Variants in VMP1 observed in about 807,000 individuals in gnomAD.
The protein encoded by VMP1 is vacuole membrane protein 1.
A neutral mutation model predicts 56.0 loss-of-function variants in VMP1; 11 were observed. The ratio of observed to expected loss-of-function variants is 0.20; its 90% CI spans 0.12 to 0.32. The LOEUF (loss-of-function observed/expected upper bound fraction) is 0.32. Ranked by LOEUF, VMP1 falls within the 10% of genes least tolerant of loss-of-function variation. The pLI, the probability that VMP1 is intolerant of heterozygous loss-of-function variation, is 1.00. For missense variants in VMP1, 296 were observed against 490.3 expected, an observed-to-expected ratio of 0.60 and a Z score of 3.74; for synonymous variants, 149 against 165.0, an observed-to-expected ratio of 0.90 and a Z score of 0.74.
chr17:59,834,228 A>G (rs1375670635), intron 10 of VMP1, among the ~76,000 whole-genome samples: 1 of 152,040 alleles, frequency 6.6e-6, no homozygotes, highest in East Asian at 1.9e-4. Context: ...AAATGCTGGG[A>G]TTACAGGCAT....
intron 1 of VMP1, among the ~76,000 whole-genome samples, chr17:59,714,943 A>G (rs142887123): frequency 1.3e-5 from 2 of 152,198 alleles, no homozygotes; most frequent in East Asian, 1.9e-4. Flanking sequence ...TGGCATCCCA[A>G]TGTGCTGGGA....
Position 59,838,377 on chromosome 17 carries a change from A to G in VMP1, c.1057A>G (p.Ser353Gly). 6.2e-7 allele frequency: 1 copy of G among 1,614,108 alleles called. No homozygotes were observed. Among genetic ancestry groups the G allele is most frequent in the Non-Finnish European group, 8.5e-7 (1 of 1,180,010 alleles). ...EAQRQKLHHK[S>G]EMGTPQGENW... ...TCAACGGCAGAAGCTTCACCACAAA[A>G]GCGAAATGGGCACACCACAGGTAAG... is the stretch of plus-strand genomic sequence containing the variant. The change falls in exon 11 of 12, where the codon AGC (serine) becomes GGC (glycine). Residue 353 changes from serine to glycine, a missense_variant. By Grantham distance (56) the Ser-to-Gly change is moderately conservative (BLOSUM62 0). Transcript: ENST00000262291.
At chr17:59,818,296 G>A (rs2038317630) in intron 10 of VMP1, among the ~76,000 whole-genome samples, 1 of 152,116 alleles carries the variant, frequency 6.6e-6, no homozygotes, top group African/African-American at 2.4e-5. Context: ...GAACCTGGGA[G>A]GCAGAGGTTG....
chr17:59,776,203 C>T (rs1247444488), intron 7 of VMP1, among the ~76,000 whole-genome samples: 1 of 147,392 alleles, frequency 6.8e-6, no homozygotes, highest in African/African-American at 2.6e-5. Flanking sequence ...CAGAGCAAGA[C>T]CCCACCTAAA....
At chr17:59,730,926 A>G (rs892200875) in intron 1 of VMP1, among the ~76,000 whole-genome samples, 1 of 152,146 alleles carries the variant, frequency 6.6e-6, no homozygotes, top group Non-Finnish European at 1.5e-5. Flanking sequence ...TTATGTATCA[A>G]CAGTTGCAGC....
intron 7 of VMP1, among the ~76,000 whole-genome samples, chr17:59,804,328 T>C (rs558967092): frequency 6.6e-6 from 1 of 152,086 alleles, no homozygotes; most frequent in African/African-American, 2.4e-5. Context: ...GTAAAATAAA[T>C]TTGGGCCTGG....
intron 3 of VMP1, chr17:59,735,814 C>G (rs749636646): frequency 1.6e-4 from 30 of 189,766 alleles, no homozygotes; most frequent in Non-Finnish European, 2.7e-4. Flanking sequence ...TACACTGATT[C>G]TTTAGCAGGG....
At chr17:59,768,718 C>T (rs571955914) in intron 6 of VMP1, among the ~76,000 whole-genome samples, 6 of 152,090 alleles carry the variant, frequency 3.9e-5, no homozygotes, top group Non-Finnish European at 8.8e-5. Flanking sequence ...CGCGGTGGCT[C>T]ACGCCTGTAA....
intron 7 of VMP1, among the ~76,000 whole-genome samples, chr17:59,780,245 A>G (rs957413712): frequency 6.6e-6 from 1 of 152,238 alleles, no homozygotes; most frequent in African/African-American, 2.4e-5. Flanking sequence ...TTATATTGAA[A>G]AATCAAGTGA....
At chr17:59,791,536 A>G (rs899783191) in intron 7 of VMP1, among the ~76,000 whole-genome samples, 2 of 139,270 alleles carry the variant, frequency 1.4e-5, no homozygotes, top group African/African-American at 2.8e-5. Flanking sequence ...CTGTCACCCA[A>G]GCTGGAGTGC....
intron 10 of VMP1, among the ~76,000 whole-genome samples, chr17:59,821,697 C>T (rs1316489978): frequency 6.6e-6 from 1 of 151,868 alleles, no homozygotes; most frequent in African/African-American, 2.4e-5. Flanking sequence ...GGATTATAGG[C>T]ATGTGCCATC....
chr17:59,751,610 G>A (rs930711060), intron 5 of VMP1, among the ~76,000 whole-genome samples: 1 of 148,834 alleles, frequency 6.7e-6, no homozygotes, highest in Admixed American at 6.7e-5. Context: ...GGCGTGGTGG[G>A]GGGGGCGCCT....
chr17:59,762,939 A>G (rs2036109725), intron 5 of VMP1, among the ~76,000 whole-genome samples: 1 of 152,162 alleles, frequency 6.6e-6, no homozygotes, highest in African/African-American at 2.4e-5. Context: ...TATCTATCCC[A>G]GAAATCTCAT....
intron 10 of VMP1, among the ~76,000 whole-genome samples, chr17:59,829,089 G>A (rs988183205): frequency 6.6e-6 from 1 of 152,138 alleles, no homozygotes; most frequent in Admixed American, 6.5e-5. Flanking sequence ...GCACTCCATC[G>A]TGGGTGATAG....
intron 1 of VMP1, among the ~76,000 whole-genome samples, chr17:59,718,184 CTTTTTTTTTTT>C (rs971095445): frequency 1.4e-3 from 112 of 79,280 alleles, no homozygotes; most frequent in African/African-American, 4.3e-3. Context: ...TCCCTCCCTC[CTTTTTTTTTTT>C]TTTTTTTTTT....
In VMP1 at chr17:59,792,855, A is replaced by ACCTTGTTAGTCAGGCTGGTCTC. The variant is rs1568157658; in HGVS notation, c.715-15941_715-15940insCCTTGTTAGTCAGGCTGGTCTC. On this transcript the variant is annotated intron_variant, in intron 7 of 11. Transcript: ENST00000262291. ...CATGAGCAAAAACGCCATCTCAAAA[A>ACCTTGTTAGTCAGGCTGGTCTC]ATAATAATAATAATAATAATAATTA... Among the ~76,000 whole-genome samples, 14 of 54,514 alleles carry ACCTTGTTAGTCAGGCTGGTCTC rather than the reference A, an allele frequency of 2.6e-4. 1 individual carries two copies. The highest frequency in any genetic ancestry group is 4.0e-4 in the East Asian group (1 of 2,492). 35.8% of individuals were successfully genotyped at this position (54,514 alleles called of 152,430 possible).
At chr17:59,731,956 T>G (rs2034841344) in intron 2 of VMP1, among the ~76,000 whole-genome samples, 1 of 152,158 alleles carries the variant, frequency 6.6e-6, no homozygotes. Context: ...TTAACCAAAT[T>G]GGAATTTGTG....
At chr17:59,767,312 T>C (rs1487445804) in intron 6 of VMP1, among the ~76,000 whole-genome samples, 1 of 152,190 alleles carries the variant, frequency 6.6e-6, no homozygotes, top group Non-Finnish European at 1.5e-5. Flanking sequence ...AATTGTGTTC[T>C]GCTTTAAAAG....
chr17:59,827,583 A>G lies in VMP1; in HGVS notation c.974+9810A>G, dbSNP rs527829893. ...CTCGGCCTCCCAAAGTGCTGGGATT[A>G]CAGGCATGAGCCGCTGTGCTGGCCT... On this transcript the variant is annotated intron_variant, in intron 10 of 11. Transcript: ENST00000262291. 1.9e-3 allele frequency among the ~76,000 whole-genome samples: 289 copies of G among 152,184 alleles called. 2 individuals are homozygous for G. Among genetic ancestry groups the G allele is most frequent in the African/African-American group, 6.6e-3 (276 of 41,544 alleles).
Sources: gnomAD v4.1 joint callset for allele counts (sites outside exome capture counted in the v4.1 genomes callset) on GRCh38, gnomAD v4.1.1 for gene constraint, MANE v1.5 for transcripts, NCBI Gene and HGNC (gene_info 2026-07-23, HGNC 2026-07-21) for gene names.